SHROOM3: variants seen among roughly 807,000 people sequenced by gnomAD.
SHROOM3 encodes shroom family member 3.
A neutral mutation model predicts 138.6 loss-of-function variants in SHROOM3; 47 were observed. The ratio of observed to expected loss-of-function variants is 0.34; its 90% confidence interval spans 0.27 to 0.43. The LOEUF is 0.43. Ranked by LOEUF, SHROOM3 falls within the 20% of genes least tolerant of loss-of-function variation. SHROOM3 has a pLI of 1.00. For synonymous variants in SHROOM3, 1,062 were observed against 1,063.3 expected, an observed-to-expected ratio of 1.00 and a Z score of 0.02; for missense variants, 2,491 against 2,596.5, an observed-to-expected ratio of 0.96 and a Z score of 0.88.
At chr4:76,521,504 T>G (rs1732565066) in intron 1 of SHROOM3, among the ~76,000 whole-genome samples, 1 of 152,242 alleles carries the variant, frequency 6.6e-6, no homozygotes, top group African/African-American at 2.4e-5. Context: ...TTCTATACAG[T>G]CATCCTGATA....
chr4:76,622,020 G>C (rs1027657266), intron 2 of SHROOM3, among the ~76,000 whole-genome samples: 1 of 151,836 alleles, frequency 6.6e-6, no homozygotes, highest in Non-Finnish European at 1.5e-5. Flanking sequence ...TAGTAGAGTC[G>C]GGGTTTCACC....
At chr4:76,445,105 A>G (rs1405576237) in intron 1 of SHROOM3, among the ~76,000 whole-genome samples, 1 of 152,080 alleles carries the variant, frequency 6.6e-6, no homozygotes, top group Non-Finnish European at 1.5e-5. Context: ...CAAAAAAAAA[A>G]AAAAAAGGAA....
intron 1 of SHROOM3, among the ~76,000 whole-genome samples, chr4:76,486,469 A>T (rs1265891500): frequency 6.6e-6 from 1 of 152,350 alleles, no homozygotes; most frequent in East Asian, 1.9e-4. Context: ...TGTTGGGAAT[A>T]AACCCTGTAG....
chr4:76,555,478 C>T, intron 1 of SHROOM3, 131 bp from the exon 2 acceptor site: 4 of 1,338,050 alleles, frequency 3.0e-6, no homozygotes, highest in Non-Finnish European at 4.2e-6. Flanking sequence ...CCTCTGGCTG[C>T]AAGCGCTGGG....
intron 1 of SHROOM3, among the ~76,000 whole-genome samples, chr4:76,441,989 C>T (rs567235668): frequency 1.3e-5 from 2 of 152,106 alleles, no homozygotes; most frequent in East Asian, 1.9e-4. Flanking sequence ...CCCAAAATTC[C>T]GAGATTACAG....
At chr4:76,697,364 G>A (rs550875966) in intron 2 of SHROOM3, among the ~76,000 whole-genome samples, 1 of 152,284 alleles carries the variant, frequency 6.6e-6, no homozygotes, top group East Asian at 1.9e-4. Context: ...CCCTGGTGGT[G>A]AGGGTGAGGG....
intron 1 of SHROOM3, among the ~76,000 whole-genome samples, chr4:76,553,869 T>C (rs1733421005): frequency 6.6e-6 from 1 of 152,234 alleles, no homozygotes; most frequent in Admixed American, 6.5e-5. Flanking sequence ...ATATTTCCCA[T>C]GTATCTGCTG....
intron 3 of SHROOM3, among the ~76,000 whole-genome samples, chr4:76,720,150 GGTTTTT>G (rs1720492995): frequency 1.8e-5 from 2 of 111,822 alleles, no homozygotes; most frequent in South Asian, 6.8e-4. Flanking sequence ...GTGTTTTTTA[GGTTTTT>G]TTTTTTTTTT....
chr4:76,489,886 A>G (rs1444958544), intron 1 of SHROOM3, among the ~76,000 whole-genome samples: 2 of 152,208 alleles, frequency 1.3e-5, no homozygotes, highest in African/African-American at 4.8e-5. Context: ...ACGCCCAGCA[A>G]AGCAAAGAAA....
chr4:76,774,778 A>G (rs1165801824), intron 10 of SHROOM3, among the ~76,000 whole-genome samples: 1 of 150,580 alleles, frequency 6.6e-6, no homozygotes, highest in East Asian at 1.9e-4. Context: ...TATGCCAATA[A>G]GCCTGTAATT....
intron 9 of SHROOM3, among the ~76,000 whole-genome samples, chr4:76,766,891 T>G (rs538224141): frequency 1.3e-5 from 2 of 152,332 alleles, no homozygotes; most frequent in East Asian, 3.9e-4. Flanking sequence ...CCATGAGATA[T>G]CACATTAGAG....
chr4:76,630,359 T>C (rs73830103), intron 2 of SHROOM3, among the ~76,000 whole-genome samples: 10,453 of 152,220 alleles, frequency 0.069, 1,188 homozygotes, highest in African/African-American at 0.23. Flanking sequence ...GGAAAGGTGA[T>C]AACAGAGAGG....
chr4:76,569,800 A>C (rs1259131751), intron 2 of SHROOM3, among the ~76,000 whole-genome samples: 2 of 151,904 alleles, frequency 1.3e-5, no homozygotes, highest in Non-Finnish European at 2.9e-5. Flanking sequence ...CTTCCTACAT[A>C]AGACTGTCTT....
intron 1 of SHROOM3, among the ~76,000 whole-genome samples, chr4:76,521,834 C>T (rs1449261702): frequency 6.6e-6 from 1 of 152,112 alleles, no homozygotes; most frequent in East Asian, 1.9e-4. Context: ...AAAACATAAT[C>T]CTCTACTTTC....
chr4:76,509,879 A>G (rs1249566564), intron 1 of SHROOM3, among the ~76,000 whole-genome samples: 1 of 152,178 alleles, frequency 6.6e-6, no homozygotes, highest in East Asian at 1.9e-4. Flanking sequence ...CATTTAGGTT[A>G]CCTTAGGTCT....
intron 2 of SHROOM3, among the ~76,000 whole-genome samples, chr4:76,559,987 A>G (rs1733566589): frequency 6.6e-6 from 1 of 152,206 alleles, no homozygotes; most frequent in Non-Finnish European, 1.5e-5. Context: ...ATGGAGAAGA[A>G]ATGATAAAAT....
intron 1 of SHROOM3, among the ~76,000 whole-genome samples, chr4:76,486,566 C>T (rs1731735603): frequency 6.6e-6 from 1 of 152,098 alleles, no homozygotes; most frequent in African/African-American, 2.4e-5. Flanking sequence ...GGAGAGGGAA[C>T]TGTTTGTTTG....
At chr4:76,729,160 T>A (rs344134) in intron 3 of SHROOM3, among the ~76,000 whole-genome samples, 81,649 of 152,004 alleles carry the variant, frequency 0.54, 22,650 homozygotes, top group Middle Eastern at 0.63. Context: ...TGCCCTTCAT[T>A]GATAAGGAAA....
chr4:76,578,142 A>G (rs1733976330), intron 2 of SHROOM3, among the ~76,000 whole-genome samples: 1 of 152,148 alleles, frequency 6.6e-6, no homozygotes, highest in East Asian at 1.9e-4. Flanking sequence ...ACACACCCCT[A>G]ATTTTATGGG....
Sources: allele counts gnomAD v4.1 joint callset (sites outside exome capture counted in the v4.1 genomes callset), GRCh38; gene constraint gnomAD v4.1.1; transcripts MANE v1.5; gene names NCBI Gene and HGNC (gene_info 2026-07-23, HGNC 2026-07-21).